The following KIAA2012 variants were observed in gnomAD, a reference collection of about 807,000 sequenced individuals.
The protein encoded by KIAA2012 is KIAA2012.
KIAA2012 carries 125 observed loss-of-function variants against 150.6 expected under a neutral mutation model. The ratio of observed to expected loss-of-function variants is 0.83; its 90% confidence interval spans 0.72 to 0.96. KIAA2012 has a LOEUF of 0.96. Among genes scored for constraint, KIAA2012 ranks in the 40% least tolerant of loss-of-function variants. The pLI is 0.00. For synonymous variants in KIAA2012, 462 were observed against 504.7 expected, an observed-to-expected ratio of 0.92 and a Z score of 1.13; for missense variants, 1,219 against 1,354.9, an observed-to-expected ratio of 0.90 and a Z score of 1.57.
chr2:202,142,518 C>T (rs184960607), intron 13 of KIAA2012, among the ~76,000 whole-genome samples: 6 of 152,290 alleles, frequency 3.9e-5, no homozygotes, highest in Admixed American at 3.9e-4. Flanking sequence ...TTGTGGCCTC[C>T]AGCCGCATGA....
At chr2:202,118,143 A>G (rs1466584857) in intron 11 of KIAA2012, among the ~76,000 whole-genome samples, 2 of 152,236 alleles carry the variant, frequency 1.3e-5, no homozygotes, top group East Asian at 1.9e-4. Context: ...AGAGTCCACA[A>G]TCCATCCATC....
Position 202,084,989 on chromosome 2 carries a change from T to C in KIAA2012, c.370-5781T>C, listed in dbSNP as rs369820598. Among the ~76,000 whole-genome samples the C allele has an allele frequency of 6.6e-5, 10 of 152,232 alleles. No individual in the cohort carries two copies. The East Asian group carries it at 1.7e-3, about 26-fold the overall frequency. Reference sequence around the variant, plus strand: ...TATGAGGTTGTAATTATACTATACATGCTTTCTTATATTTTGTTGTTTTCC... The same window carrying C: ...TATGAGGTTGTAATTATACTATACACGCTTTCTTATATTTTGTTGTTTTCC... On this transcript the variant is annotated intron_variant, in intron 2 of 23. Coordinates refer to ENST00000498697, the MANE Select transcript of KIAA2012 (RefSeq NM_001277372.4).
chr2:202,160,281 A>G (rs1024027926), intron 14 of KIAA2012, among the ~76,000 whole-genome samples: 1 of 151,694 alleles, frequency 6.6e-6, no homozygotes, highest in East Asian at 1.9e-4. Flanking sequence ...TTATCTTAAT[A>G]ACACAAGATA....
intron 15 of KIAA2012, among the ~76,000 whole-genome samples, chr2:202,182,057 T>TAGAA (rs1219375463): frequency 8.6e-5 from 13 of 151,808 alleles, no homozygotes; most frequent in Non-Finnish European, 1.5e-4. Flanking sequence ...TTGCATTTTC[T>TAGAA]AGAATTTTAT....
chr2:202,179,960 A>G (rs1394944221), intron 15 of KIAA2012: 1 of 731,150 alleles, frequency 1.4e-6, no homozygotes, highest in East Asian at 4.3e-5. Flanking sequence ...GCTTACTCCA[A>G]CTGAAGTTAA....
intron 19 of KIAA2012, among the ~76,000 whole-genome samples, chr2:202,192,225 CA>C (rs897567977): frequency 2.0e-5 from 3 of 152,122 alleles, no homozygotes; most frequent in Non-Finnish European, 2.9e-5. Context: ...GACTAAAAAG[CA>C]AGGAGCTTTT....
intron 3 of KIAA2012, among the ~76,000 whole-genome samples, chr2:202,092,730 G>A (rs1689756849): frequency 6.6e-6 from 1 of 152,074 alleles, no homozygotes; most frequent in Non-Finnish European, 1.5e-5. Flanking sequence ...TGAGGCAGGA[G>A]GAGCTTTTTG....
At chr2:202,149,904 C>G (rs1691387343) in intron 13 of KIAA2012, among the ~76,000 whole-genome samples, 1 of 152,172 alleles carries the variant, frequency 6.6e-6, no homozygotes, top group African/African-American at 2.4e-5. Flanking sequence ...GGGTCTGTAG[C>G]TCAGATATTA....
intron 9 of KIAA2012, 32 bp downstream of exon 9, chr2:202,105,942 G>A (rs1337610649): frequency 6.4e-7 from 1 of 1,550,728 alleles, no homozygotes. Context: ...CATCCCTCGG[G>A]AACCTCACTC....
At chr2:202,074,196 A>G (rs945110438) in intron 1 of KIAA2012, among the ~76,000 whole-genome samples, 1 of 152,022 alleles carries the variant, frequency 6.6e-6, no homozygotes, top group African/African-American at 2.4e-5. Context: ...AGGTGGCAAA[A>G]TTCCCTTGTT....
chr2:202,137,729 C>CA (rs1559217271), intron 12 of KIAA2012: 1 of 152,232 alleles, frequency 6.6e-6, no homozygotes, highest in Non-Finnish European at 1.5e-5. Flanking sequence ...CAAAACCTCA[C>CA]TAGTGGTACA....
chr2:202,083,221 G>A (rs1689489244), intron 2 of KIAA2012, among the ~76,000 whole-genome samples: 1 of 152,204 alleles, frequency 6.6e-6, no homozygotes, highest in Admixed American at 6.5e-5. Flanking sequence ...AGATAGGAGA[G>A]AGAGTTATCA....
intron 4 of KIAA2012, among the ~76,000 whole-genome samples, chr2:202,095,053 G>A (rs1263524846): frequency 1.3e-5 from 2 of 152,158 alleles, no homozygotes; most frequent in Non-Finnish European, 2.9e-5. Context: ...TTATCTCACA[G>A]TGTTGCATGT....
At chr2:202,143,622 A>C (rs1402020829) in intron 13 of KIAA2012, among the ~76,000 whole-genome samples, 1 of 148,662 alleles carries the variant, frequency 6.7e-6, no homozygotes, top group African/African-American at 2.5e-5. Context: ...TCATGAGGAG[A>C]GCTGGTTTTA....
chr2:202,183,198 T>C (rs1692155524), intron 15 of KIAA2012, among the ~76,000 whole-genome samples: 1 of 152,042 alleles, frequency 6.6e-6, no homozygotes, highest in African/African-American at 2.4e-5. Context: ...GGCGGGCGGA[T>C]CGCTTGAGCC....
intron 15 of KIAA2012, among the ~76,000 whole-genome samples, chr2:202,181,718 C>T (rs898412697): frequency 6.6e-6 from 1 of 151,850 alleles, no homozygotes; most frequent in African/African-American, 2.4e-5. Flanking sequence ...GCAAATACAC[C>T]AAAATATTTG....
At chr2:202,090,638 T>G in intron 2 of KIAA2012, 132 bp from the exon 3 acceptor site, 4 of 967,956 alleles carry the variant, frequency 4.1e-6, no homozygotes, top group Non-Finnish European at 2.9e-6. Context: ...AGCCGAGGCA[T>G]CTGTTTTTGG....
chr2:202,170,657 G>A (rs563763635), intron 15 of KIAA2012, among the ~76,000 whole-genome samples: 5 of 152,308 alleles, frequency 3.3e-5, no homozygotes, highest in African/African-American at 7.2e-5. Flanking sequence ...AATACAGGAA[G>A]GACAACTGAT....
At chr2:202,196,186 CTTTTTTTTTT>C in intron 21 of KIAA2012, among the ~76,000 whole-genome samples, 1 of 79,676 alleles carries the variant, frequency 1.3e-5, no homozygotes, top group South Asian at 4.0e-4. Context: ...CTTTTCTTTT[CTTTTTTTTTT>C]TTTTTTTTTT....
Sources: gnomAD v4.1 joint callset for allele counts (sites outside exome capture counted in the v4.1 genomes callset) on GRCh38, gnomAD v4.1.1 for gene constraint, MANE v1.5 for transcripts, NCBI Gene and HGNC (gene_info 2026-07-23, HGNC 2026-07-21) for gene names.